The following ANK3 variants were observed in gnomAD, a reference collection of about 807,000 sequenced individuals.
ANK3 encodes ankyrin-3.
ANK3 carries 57 observed loss-of-function variants against 370.9 expected under a neutral mutation model. The ratio of observed to expected loss-of-function variants is 0.15; its 90% CI spans 0.12 to 0.19. ANK3 has a LOEUF of 0.19. Ranked by LOEUF, ANK3 falls within the 10% of genes least tolerant of loss-of-function variation. The pLI is 1.00. For synonymous variants in ANK3, 1,929 were observed against 1,946.3 expected, an observed-to-expected ratio of 0.99 and a Z score of 0.23; for missense variants, 4,439 against 5,302.1, an observed-to-expected ratio of 0.84 and a Z score of 5.06.
intron 1 of ANK3, among the ~76,000 whole-genome samples, chr10:60,663,965 T>C (rs2078967036): frequency 6.6e-6 from 1 of 152,258 alleles, no homozygotes; most frequent in Non-Finnish European, 1.5e-5. Context: ...ATGCATCTTA[T>C]CTGCCGAATC....
At chr10:60,543,659 T>C (rs1426334749) in intron 2 of ANK3, among the ~76,000 whole-genome samples, 1 of 152,108 alleles carries the variant, frequency 6.6e-6, no homozygotes, top group Non-Finnish European at 1.5e-5. Context: ...TTTATACATT[T>C]TTATTTTTAT....
intron 2 of ANK3, among the ~76,000 whole-genome samples, chr10:60,595,697 T>A (rs1458233020): frequency 1.3e-5 from 2 of 152,150 alleles, no homozygotes; most frequent in Non-Finnish European, 2.9e-5. Flanking sequence ...GGGGGTTTAT[T>A]TTAGGGAGGA....
At chr10:60,159,097 AT>A (rs1412225551) in intron 23 of ANK3, among the ~76,000 whole-genome samples, 19 of 152,346 alleles carry the variant, frequency 1.2e-4, no homozygotes, top group African/African-American at 4.6e-4. Flanking sequence ...AGCAATGATA[AT>A]GCTGAATTTA....
intron 1 of ANK3, among the ~76,000 whole-genome samples, chr10:60,315,403 G>A (rs755738783): frequency 2.6e-5 from 4 of 152,128 alleles, no homozygotes; most frequent in Admixed American, 6.5e-5. Flanking sequence ...GTTAAATCCA[G>A]TAAATGCAAT....
chr10:60,726,672 G>T (rs988185874), intron 1 of ANK3, among the ~76,000 whole-genome samples: 1 of 151,982 alleles, frequency 6.6e-6, no homozygotes, highest in Non-Finnish European at 1.5e-5. Context: ...CTGTAAATGG[G>T]TACTTCCTAT....
At chr10:60,596,837 C>G (rs2133299746) in intron 2 of ANK3, among the ~76,000 whole-genome samples, 1 of 152,152 alleles carries the variant, frequency 6.6e-6, no homozygotes, top group Non-Finnish European at 1.5e-5. Flanking sequence ...TGAGTGCCCC[C>G]AAATAAGAAA....
At chr10:60,255,727 C>A (rs1049490691) in intron 7 of ANK3, among the ~76,000 whole-genome samples, 39 of 151,966 alleles carry the variant, frequency 2.6e-4, no homozygotes, top group African/African-American at 8.7e-4. Context: ...GATGGACATG[C>A]GATATATCTG....
intron 28 of ANK3, among the ~76,000 whole-genome samples, chr10:60,102,353 AG>A (rs2091419537): frequency 6.6e-6 from 1 of 152,082 alleles, no homozygotes; most frequent in African/African-American, 2.4e-5. Context: ...CTCATATATC[AG>A]GCATCAAGCT....
intron 1 of ANK3, among the ~76,000 whole-genome samples, chr10:60,706,782 T>C (rs2133424454): frequency 6.6e-6 from 1 of 152,298 alleles, no homozygotes; most frequent in South Asian, 2.1e-4. Flanking sequence ...TTATTTCCAG[T>C]AGACAAATTG....
chr10:60,566,430 A>C, intron 2 of ANK3, among the ~76,000 whole-genome samples: 1 of 152,124 alleles, frequency 6.6e-6, no homozygotes, highest in Non-Finnish European at 1.5e-5. Context: ...AAAAACTAGG[A>C]CTCTTTCACT....
At chr10:60,610,171 C>T (rs927089657) in intron 2 of ANK3, among the ~76,000 whole-genome samples, 9 of 152,052 alleles carry the variant, frequency 5.9e-5, no homozygotes, top group African/African-American at 1.4e-4. Context: ...TAAATATTTA[C>T]GAAGCATGAA....
intron 1 of ANK3, among the ~76,000 whole-genome samples, chr10:60,327,692 A>G (rs1421233465): frequency 6.6e-6 from 1 of 152,158 alleles, no homozygotes; most frequent in Non-Finnish European, 1.5e-5. Context: ...TCTGTTTGAT[A>G]TCTTTTTAGC....
chr10:60,685,917 A>G (rs1413724050), intron 1 of ANK3, among the ~76,000 whole-genome samples: 1 of 152,210 alleles, frequency 6.6e-6, no homozygotes, highest in East Asian at 1.9e-4. Context: ...ATAGAATAAC[A>G]AAAAATACAG....
chr10:60,315,381 A>G (rs1169779598), intron 1 of ANK3, among the ~76,000 whole-genome samples: 3 of 152,186 alleles, frequency 2.0e-5, no homozygotes, highest in Admixed American at 6.5e-5. Flanking sequence ...TGAAATCCAC[A>G]GTAGATCACT....
chr10:60,246,966 C>T (rs546703032), intron 7 of ANK3, among the ~76,000 whole-genome samples: 1 of 152,128 alleles, frequency 6.6e-6, no homozygotes, highest in African/African-American at 2.4e-5. Context: ...TCTCTTCCAC[C>T]TTTGCATGAT....
At chr10:60,593,177 A>C (rs1478147000) in intron 2 of ANK3, among the ~76,000 whole-genome samples, 1 of 152,226 alleles carries the variant, frequency 6.6e-6, no homozygotes, top group Non-Finnish European at 1.5e-5. Flanking sequence ...ATTTAAGTGA[A>C]TACAGCAATT....
At chr10:60,476,854 T>C (rs754789085) in intron 2 of ANK3, among the ~76,000 whole-genome samples, 9 of 152,150 alleles carry the variant, frequency 5.9e-5, no homozygotes, top group African/African-American at 9.6e-5. Flanking sequence ...AGGTACTAAA[T>C]GAAAAACAAC....
chr10:60,062,993 A>G lies in ANK3; in HGVS notation c.12595+118T>C. ...TTTATTTGCAGACTCTGGCAGAGAA[A>G]ATGAGAAACTAAGTCAAGCAAATCA... On this transcript the variant is annotated intron_variant, in intron 40 of 43. Transcript: ENST00000280772. The G allele has an allele frequency of 2.8e-6, 3 of 1,062,848 alleles. No individual in the cohort carries two copies. The South Asian group carries it at 5.3e-5, about 19-fold the overall frequency. 65.8% of individuals were successfully genotyped at this position (1,062,848 alleles called of 1,614,324 possible).
chr10:60,689,359 A>G (rs1456500554), intron 1 of ANK3, among the ~76,000 whole-genome samples: 1 of 152,190 alleles, frequency 6.6e-6, no homozygotes, highest in Admixed American at 6.5e-5. Flanking sequence ...TGGCCATGCC[A>G]CTGCAGTGCA....
Sources: gnomAD v4.1 joint callset for allele counts (sites outside exome capture counted in the v4.1 genomes callset) on GRCh38, gnomAD v4.1.1 for gene constraint, MANE v1.5 for transcripts, NCBI Gene and HGNC (gene_info 2026-07-23, HGNC 2026-07-21) for gene names.